NCOA3: variants seen among roughly 807,000 people sequenced by gnomAD.
The protein encoded by NCOA3 is CBP-interacting protein.
Under a neutral mutation model 158.8 loss-of-function variants are expected in NCOA3, and 51 were observed. That is an observed-to-expected ratio of 0.32 (90% CI 0.26 to 0.41). The LOEUF is 0.41. Ranked by LOEUF, NCOA3 falls within the 10% of genes least tolerant of loss-of-function variation. The pLI, the probability that NCOA3 is intolerant of heterozygous loss-of-function variation, is 1.00. For synonymous variants in NCOA3, 537 were observed against 592.4 expected (o/e 0.91, Z 1.36); for missense variants, 1,510 against 1,746.6 (o/e 0.86, Z 2.41).
chr20:47,635,924 C>G lies in NCOA3; in HGVS notation c.1538C>G (p.Thr513Ser). Residue 513 changes from threonine (T) to serine (S), a missense_variant, in exon 12 of 23, where the codon ACT (threonine) becomes AGT (serine). Thr to Ser is a moderately conservative substitution (Grantham distance 58, BLOSUM62 1). Coordinates refer to ENST00000371998, the MANE Select transcript of NCOA3 (RefSeq NM_181659.3). ...TCTCCCATGGCATCTTCTGGCAATA[C>G]TGGGAACCACAGCTTTTCCAGCAGC... ...VHSPMASSGN[T>S]GNHSFSSSSL... The G allele has an allele frequency of 1.2e-6, 2 of 1,613,916 alleles. No individual in the cohort carries two copies. The highest frequency in any genetic ancestry group is 2.2e-5 in the South Asian group (2 of 91,072).
Position 47,639,002 on chromosome 20 carries a change from C to T in NCOA3, c.2513-6C>T, listed in dbSNP as rs1312927659. On this transcript the variant is annotated splice_polypyrimidine_tract_variant and splice_region_variant and intron_variant, in intron 13 of 22. Transcript: ENST00000371998. ...AAGAAATGTTTTTGTATTGTGTTTT[C>T]AACAGGTTTGAAAAGTTCACAGTCT... is the stretch of plus-strand genomic sequence containing the variant. 1.1e-5 allele frequency: 18 copies of T among 1,575,650 alleles called. No homozygotes were observed. Among genetic ancestry groups the T allele is most frequent in the Non-Finnish European group, 1.5e-5 (17 of 1,160,072 alleles).
intron 1 of NCOA3, among the ~76,000 whole-genome samples, chr20:47,507,299 A>ATTT (rs1400798124): frequency 2.0e-5 from 3 of 152,194 alleles, no homozygotes; most frequent in African/African-American, 7.2e-5. Flanking sequence ...ATTTATTGTA[A>ATTT]CAATTTGACA....
intron 1 of NCOA3, among the ~76,000 whole-genome samples, chr20:47,525,934 G>A (rs1472940971): frequency 4.0e-5 from 6 of 149,978 alleles, no homozygotes; most frequent in Non-Finnish European, 7.4e-5. Context: ...TGGCCGGGCG[G>A]GGGGCTGACC....
At chr20:47,535,525 T>C (rs1175827441) in intron 1 of NCOA3, among the ~76,000 whole-genome samples, 2 of 151,508 alleles carry the variant, frequency 1.3e-5, no homozygotes, top group Admixed American at 6.6e-5. Context: ...CTTTTTTTTT[T>C]TGAGACCGAG....
At chr20:47,638,462 A>G (rs1197478198) in intron 13 of NCOA3, among the ~76,000 whole-genome samples, 1 of 152,244 alleles carries the variant, frequency 6.6e-6, no homozygotes, top group African/African-American at 2.4e-5. Flanking sequence ...TTGAAAAGGC[A>G]GCATGCACAA....
intron 1 of NCOA3, among the ~76,000 whole-genome samples, chr20:47,540,584 A>AG (rs1027172992): frequency 1.3e-5 from 2 of 152,098 alleles, no homozygotes; most frequent in Non-Finnish European, 2.9e-5. Context: ...AAAAAAAAAA[A>AG]AAAAATTCAA....
At chr20:47,636,850 T>C in intron 12 of NCOA3, 88 bp downstream of exon 12, 8 of 1,261,480 alleles carry the variant, frequency 6.3e-6, no homozygotes, top group South Asian at 1.7e-5. Context: ...ATTTTAGGTT[T>C]ATTTAAAGAA....
In NCOA3 at chr20:47,647,396, T is replaced by C. The variant is rs1278439329; in HGVS notation, c.3546+30T>C. The C allele has an allele frequency of 8.8e-6, 14 of 1,597,866 alleles. No individual in the cohort carries two copies. The East Asian group carries it at 3.1e-4, about 36-fold the overall frequency. ...CCAGTCATGTGTTCTTCCCTCTGGC[T>C]TCTCCTTCTGTTGTTTTCAGACTAT... On this transcript the variant is annotated intron_variant, in intron 18 of 22. Coordinates refer to ENST00000371998, the MANE Select transcript of NCOA3 (RefSeq NM_181659.3).
At chr20:47,535,513 T>G (rs957041423) in intron 1 of NCOA3, among the ~76,000 whole-genome samples, 1 of 151,282 alleles carries the variant, frequency 6.6e-6, no homozygotes, top group Admixed American at 6.6e-5. Context: ...AAGGTTTTTT[T>G]GCTTTTTTTT....
At chr20:47,552,060 A>G (rs942679970) in intron 1 of NCOA3, among the ~76,000 whole-genome samples, 1 of 152,210 alleles carries the variant, frequency 6.6e-6, no homozygotes, top group African/African-American at 2.4e-5. Context: ...CTGCTTGCCA[A>G]GTGCTGTCTC....
intron 4 of NCOA3, 133 bp downstream of exon 4, chr20:47,624,216 T>TA: frequency 1.5e-6 from 1 of 680,872 alleles, no homozygotes; most frequent in Non-Finnish European, 2.4e-6. Context: ...TCAAGCACAT[T>TA]ACGTTTGTGG....
At position 47,651,092 on chromosome 20, in the gene NCOA3, ACAG is replaced by A. The variant is rs3830809; in HGVS notation, c.3789_3791del (p.Gln1276del). On this transcript the variant is annotated inframe_deletion, in exon 20 of 23. Transcript: ENST00000371998. ...TGATGCAGCAGCAGCAGCAGCAGCA[ACAG>A]CAGCAGCAGCAGCAGCAGCAGCAGC... 0.34 allele frequency: 482,170 copies of A among 1,421,350 alleles called. 61,287 individuals carry two copies. Among genetic ancestry groups the A allele is most frequent in the Middle Eastern group, 0.39 (2,157 of 5,544 alleles). 88.0% of individuals were successfully genotyped at this position (1,421,350 alleles called of 1,614,324 possible). A position where few individuals can be genotyped will look rare whatever the true frequency, so the allele number is the denominator to read the frequency against.
At chr20:47,550,614 GCTCT>G (rs1204960270) in intron 1 of NCOA3, among the ~76,000 whole-genome samples, 2 of 152,122 alleles carry the variant, frequency 1.3e-5, no homozygotes, top group South Asian at 2.1e-4. Context: ...TAATCAAATT[GCTCT>G]CTGAGAGATC....
intron 18 of NCOA3, among the ~76,000 whole-genome samples, chr20:47,648,461 G>A (rs1427329500): frequency 1.3e-5 from 2 of 151,570 alleles, no homozygotes; most frequent in African/African-American, 2.4e-5. Context: ...TTGTGTGTGT[G>A]TATATATATA....
intron 8 of NCOA3, among the ~76,000 whole-genome samples, chr20:47,632,140 T>C (rs1368223209): frequency 1.3e-5 from 2 of 152,220 alleles, no homozygotes; most frequent in Non-Finnish European, 2.9e-5. Context: ...CTTCTGATCC[T>C]CTCCTTAGGT....
intron 2 of NCOA3, among the ~76,000 whole-genome samples, chr20:47,611,968 G>A (rs949735303): frequency 2.0e-5 from 3 of 152,070 alleles, no homozygotes; most frequent in African/African-American, 7.2e-5. Flanking sequence ...GCGACTACAG[G>A]TGTGCGTCAC....
At chr20:47,520,910 A>G (rs1473137268) in intron 1 of NCOA3, among the ~76,000 whole-genome samples, 1 of 152,224 alleles carries the variant, frequency 6.6e-6, no homozygotes, top group African/African-American at 2.4e-5. Flanking sequence ...TGGAACGCAG[A>G]GGGCACCCAC....
chr20:47,524,961 T>C (rs1231947926), intron 1 of NCOA3, among the ~76,000 whole-genome samples: 1 of 151,780 alleles, frequency 6.6e-6, no homozygotes, highest in Admixed American at 6.6e-5. Flanking sequence ...TTATTGATCA[T>C]TCTTGGGTGT....
rs1287494457 is a variant in NCOA3 at position 47,590,867 on chromosome 20, TG to T, written c.-20+7609del. 3.3e-5 allele frequency among the ~76,000 whole-genome samples: 5 copies of T among 152,054 alleles called. No homozygotes were observed. In the East Asian group the frequency reaches 9.7e-4, roughly 30 times the overall value. On this transcript the variant is annotated intron_variant, in intron 2 of 22. Coordinates refer to ENST00000371998, the MANE Select transcript of NCOA3 (RefSeq NM_181659.3). ...GCTCATACCTGTAGTCCCAGCACTT[TG>T]GGAGGCTGAGGCAGGTTGATCACCT...
Sources: allele counts gnomAD v4.1 joint callset (sites outside exome capture counted in the v4.1 genomes callset), GRCh38; gene constraint gnomAD v4.1.1; transcripts MANE v1.5; gene names NCBI Gene and HGNC (gene_info 2026-07-23, HGNC 2026-07-21).